TAFA4: variants seen among roughly 807,000 people sequenced by gnomAD.
TAFA4 encodes chemokine-like protein TAFA-4.
TAFA4 carries 20 observed loss-of-function variants against 21.1 expected under a neutral mutation model. That is an observed-to-expected ratio of 0.95 (90% CI 0.67 to 1.38). TAFA4 has a LOEUF of 1.38. TAFA4 is among the 40% of genes most tolerant of loss of function. The probability of loss-of-function intolerance (pLI) is 0.00; values close to 1 mark genes in which losing one functional copy is unlikely to be tolerated. For synonymous variants in TAFA4, 71 were observed against 67.4 expected, an observed-to-expected ratio of 1.05 and a Z score of -0.26; for missense variants, 211 against 180.9, an observed-to-expected ratio of 1.17 and a Z score of -0.95.
At chr3:68,841,612 T>C (rs999597284) in intron 3 of TAFA4, among the ~76,000 whole-genome samples, 2 of 152,126 alleles carry the variant, frequency 1.3e-5, no homozygotes, top group African/African-American at 4.8e-5. Context: ...ATCTGTTACA[T>C]AGGTTTACAC....
At chr3:68,785,649 C>T (rs979803296) in intron 3 of TAFA4, among the ~76,000 whole-genome samples, 1 of 152,272 alleles carries the variant, frequency 6.6e-6, no homozygotes, top group African/African-American at 2.4e-5. Flanking sequence ...GCACCTCTCC[C>T]TCCATACCTC....
chr3:68,885,091 A>T, intron 2 of TAFA4, 84 bp downstream of exon 2: 1 of 1,344,936 alleles, frequency 7.4e-7, no homozygotes, highest in East Asian at 2.3e-5. Flanking sequence ...AAAACGGATC[A>T]TCAACTCCAG....
At chr3:68,764,541 A>G (rs950316657) in intron 3 of TAFA4, among the ~76,000 whole-genome samples, 1 of 152,162 alleles carries the variant, frequency 6.6e-6, no homozygotes, top group Non-Finnish European at 1.5e-5. Flanking sequence ...TAATTGAGCA[A>G]AACAAATCAC....
intron 3 of TAFA4, among the ~76,000 whole-genome samples, chr3:68,807,584 A>G (rs1385734768): frequency 6.6e-6 from 1 of 152,198 alleles, no homozygotes; most frequent in African/African-American, 2.4e-5. Context: ...GGGCATTCAC[A>G]TAGGCAAAAA....
intron 1 of TAFA4, among the ~76,000 whole-genome samples, chr3:68,894,879 A>C (rs1215696781): frequency 6.6e-6 from 1 of 152,022 alleles, no homozygotes; most frequent in Non-Finnish European, 1.5e-5. Flanking sequence ...TTTGTAACAG[A>C]GTTTCACTCT....
intron 2 of TAFA4, among the ~76,000 whole-genome samples, chr3:68,883,661 C>T (rs189786104): frequency 2.6e-4 from 40 of 152,204 alleles, no homozygotes; most frequent in Non-Finnish European, 4.7e-4. Context: ...ATAAATTGAT[C>T]GATAATTTGA....
At chr3:68,747,925 A>G (rs1044057689) in intron 4 of TAFA4, among the ~76,000 whole-genome samples, 4 of 152,110 alleles carry the variant, frequency 2.6e-5, no homozygotes, top group Non-Finnish European at 5.9e-5. Context: ...AGCTACTTCT[A>G]GTTCCCGAGT....
chr3:68,845,619 G>A (rs1022937525), intron 3 of TAFA4, among the ~76,000 whole-genome samples: 1 of 152,172 alleles, frequency 6.6e-6, no homozygotes, highest in Non-Finnish European at 1.5e-5. Flanking sequence ...AGTGTCAATG[G>A]TCTTTACAAT....
intron 3 of TAFA4, among the ~76,000 whole-genome samples, chr3:68,776,612 TAAC>T (rs941233681): frequency 2.0e-5 from 3 of 152,166 alleles, no homozygotes; most frequent in African/African-American, 7.2e-5. Flanking sequence ...TAGACAATAT[TAAC>T]ACCACCACCA....
At chr3:68,893,067 G>A (rs974996799) in intron 1 of TAFA4, among the ~76,000 whole-genome samples, 1 of 152,190 alleles carries the variant, frequency 6.6e-6, no homozygotes, top group African/African-American at 2.4e-5. Context: ...CCTTACTGCA[G>A]AGGGTTTATT....
intron 5 of TAFA4, among the ~76,000 whole-genome samples, chr3:68,733,599 C>G (rs1465680189): frequency 1.3e-5 from 2 of 152,108 alleles, no homozygotes; most frequent in East Asian, 1.9e-4. Flanking sequence ...TTTTATAAAA[C>G]TGCTGTATTA....
intron 1 of TAFA4, among the ~76,000 whole-genome samples, chr3:68,894,169 T>G (rs2089760711): frequency 6.6e-6 from 1 of 151,236 alleles, no homozygotes; most frequent in African/African-American, 2.4e-5. Context: ...TTTTTTTTTT[T>G]TTTTTTGGAG....
rs188328974 is a variant in TAFA4 at position 68,811,384 on chromosome 3, G to A, written c.131-58366C>T. On this transcript the variant is annotated intron_variant, in intron 3 of 5. Coordinates refer to ENST00000295569, the MANE Select transcript of TAFA4 (RefSeq NM_182522.5). ...ATGATCAAACTACTCTGAGCTAAAG[G>A]AGTAAGTTCGAACCCATGGCAAAGA... 1.2e-4 allele frequency among the ~76,000 whole-genome samples: 18 copies of A among 152,292 alleles called. No individual in the cohort carries two copies. In the East Asian group the frequency reaches 2.7e-3, roughly 23 times the overall value.
intron 4 of TAFA4, among the ~76,000 whole-genome samples, chr3:68,739,594 G>C (rs1002339145): frequency 3.9e-5 from 6 of 152,222 alleles, no homozygotes; most frequent in Non-Finnish European, 8.8e-5. Context: ...CACAGCACTA[G>C]TAATAAATAG....
intron 3 of TAFA4, among the ~76,000 whole-genome samples, chr3:68,775,944 G>T (rs1262303708): frequency 6.6e-6 from 1 of 152,024 alleles, no homozygotes; most frequent in African/African-American, 2.4e-5. Context: ...TGACCCAGAA[G>T]ACAATGGAGC....
intron 3 of TAFA4, among the ~76,000 whole-genome samples, chr3:68,772,423 A>C (rs1702974804): frequency 6.6e-6 from 1 of 152,146 alleles, no homozygotes; most frequent in African/African-American, 2.4e-5. Flanking sequence ...AGTGCCATCC[A>C]ATTAGCTGGA....
chr3:68,913,069 A>C (rs924524044), intron 1 of TAFA4, among the ~76,000 whole-genome samples: 3 of 152,184 alleles, frequency 2.0e-5, no homozygotes, highest in Non-Finnish European at 4.4e-5. Context: ...TCCTAGAGGA[A>C]TTAACACGAA....
chr3:68,733,290 A>G, intron 5 of TAFA4, 137 bp from the exon 6 acceptor site: 1 of 1,100,542 alleles, frequency 9.1e-7, no homozygotes, highest in Non-Finnish European at 1.3e-6. Flanking sequence ...ACCTCACCAA[A>G]TCAACAGTTC....
chr3:68,869,261 G>A (rs1166838988), intron 3 of TAFA4, among the ~76,000 whole-genome samples: 1 of 151,942 alleles, frequency 6.6e-6, no homozygotes, highest in Non-Finnish European at 1.5e-5. Flanking sequence ...TGGCTTCACT[G>A]CTGAATTCCA....
Sources: allele counts gnomAD v4.1 joint callset (sites outside exome capture counted in the v4.1 genomes callset), GRCh38; gene constraint gnomAD v4.1.1; transcripts MANE v1.5; gene names NCBI Gene and HGNC (gene_info 2026-07-23, HGNC 2026-07-21).